ALDH7A1: variants seen among roughly 807,000 people sequenced by gnomAD.
ALDH7A1 encodes aldehyde dehydrogenase 7 family member A1, also known as alpha-aminoadipic semialdehyde dehydrogenase.
Under a neutral mutation model 79.9 loss-of-function variants are expected in ALDH7A1, and 63 were observed. The observed-to-expected ratio is 0.79, with a 90% CI of 0.64 to 0.97. The LOEUF (loss-of-function observed/expected upper bound fraction) is 0.97. Ranked by LOEUF, ALDH7A1 falls within the 50% of genes least tolerant of loss-of-function variation. ALDH7A1 has a pLI of 0.00. For missense variants in ALDH7A1, 627 were observed against 665.2 expected, an observed-to-expected ratio of 0.94 and a Z score of 0.63; for synonymous variants, 240 against 231.2, an observed-to-expected ratio of 1.04 and a Z score of -0.34.
At position 126,578,613 on chromosome 5, in the gene ALDH7A1, T is replaced by C. The variant is rs190945563; in HGVS notation, c.518-1402A>G. Among the ~76,000 whole-genome samples, 1,198 of 134,032 alleles carry C rather than the reference T, an allele frequency of 8.9e-3. 11 individuals are homozygous for C. The highest frequency in any genetic ancestry group is 0.027 in the Middle Eastern group (6 of 222). 87.9% of individuals were successfully genotyped at this position (134,032 alleles called of 152,430 possible). On this transcript the variant is annotated intron_variant, in intron 5 of 17. Transcript: ENST00000409134. Reference sequence around the variant, plus strand: ...GGGATTGCACCACTGCACTCCAGCCTGGACAACAGAGTAAGACCCTGTATC... The same window carrying C: ...GGGATTGCACCACTGCACTCCAGCCCGGACAACAGAGTAAGACCCTGTATC...
At chr5:126,562,401 G>A (rs1210404862) in intron 9 of ALDH7A1, 1 of 151,666 alleles carries the variant, frequency 6.6e-6, no homozygotes, top group Non-Finnish European at 1.5e-5. Context: ...GGCAAAGACA[G>A]GGTCTTGGCA....
At chr5:126,577,015 A>C in intron 6 of ALDH7A1, 64 bp downstream of exon 6, 1 of 1,603,036 alleles carries the variant, frequency 6.2e-7, no homozygotes. Context: ...AGGCTGAGGT[A>C]GTAGTATCTA....
chr5:126,545,617 C>A (rs1187326330), intron 17 of ALDH7A1, among the ~76,000 whole-genome samples: 1 of 148,830 alleles, frequency 6.7e-6, no homozygotes, highest in Non-Finnish European at 1.5e-5. Flanking sequence ...GAAACCCGGT[C>A]TCTACTAAAA....
chr5:126,584,659 C>CA lies in ALDH7A1; in HGVS notation c.313-648dup, dbSNP rs35736560. Among the ~76,000 whole-genome samples, 606 of 61,862 alleles carry CA rather than the reference C, an allele frequency of 9.8e-3. 10 individuals are homozygous for CA. Among genetic ancestry groups the CA allele is most frequent in the Non-Finnish European group, 0.016 (465 of 28,588 alleles). The allele number at this position is 61,862 out of a possible 152,430, so 40.6% of individuals were successfully genotyped here. ...TGGGCAACAAAGTGACACTCCATCT[C>CA]AAAAAAAAAAAAAAAAAAAAGATTG... On this transcript the variant is annotated intron_variant, in intron 3 of 17. Coordinates refer to ENST00000409134, the MANE Select transcript of ALDH7A1 (RefSeq NM_001182.5).
At chr5:126,552,506 C>A (rs1190743650) in intron 13 of ALDH7A1, among the ~76,000 whole-genome samples, 2 of 152,178 alleles carry the variant, frequency 1.3e-5, no homozygotes, top group Non-Finnish European at 2.9e-5. Flanking sequence ...CATCCTCCCA[C>A]CTCAGCCTCC....
At chr5:126,545,064 A>T (rs776928836) in intron 17 of ALDH7A1, 45 bp from the exon 18 acceptor site, 1 of 1,430,164 alleles carries the variant, frequency 7.0e-7, no homozygotes, top group East Asian at 2.3e-5. Flanking sequence ...CATACATAAC[A>T]GAAGATTTTC....
chr5:126,592,961 A>G (rs1751600810), intron 2 of ALDH7A1, among the ~76,000 whole-genome samples: 1 of 152,244 alleles, frequency 6.6e-6, no homozygotes, highest in Non-Finnish European at 1.5e-5. Flanking sequence ...AAAATCTGTC[A>G]GCTTCATCTG....
chr5:126,571,111 C>T (rs542610807), intron 7 of ALDH7A1: 3 of 371,314 alleles, frequency 8.1e-6, no homozygotes, highest in African/African-American at 4.2e-5. Flanking sequence ...GATTTCTCCT[C>T]ACATATTGAA....
intron 7 of ALDH7A1, among the ~76,000 whole-genome samples, chr5:126,572,732 G>T (rs1750818515): frequency 6.6e-6 from 1 of 152,176 alleles, no homozygotes; most frequent in South Asian, 2.1e-4. Context: ...TTTCTGTGGG[G>T]CATTAGGCTT....
intron 8 of ALDH7A1, chr5:126,570,446 A>C (rs1444752599): frequency 3.8e-6 from 1 of 264,738 alleles, no homozygotes; most frequent in African/African-American, 2.3e-5. Flanking sequence ...GAGACCCCAG[A>C]CTACAATTTC....
chr5:126,564,615 G>C (rs1750507739), intron 9 of ALDH7A1: 6 of 1,221,086 alleles, frequency 4.9e-6, no homozygotes, highest in Non-Finnish European at 6.2e-6. Context: ...AGCATCAAGT[G>C]AATATTAATT....
chr5:126,556,121 A>G (rs1750187429), intron 11 of ALDH7A1, 106 bp from the exon 12 acceptor site: 3 of 621,206 alleles, frequency 4.8e-6, no homozygotes, highest in Non-Finnish European at 8.1e-6. Context: ...CTCTAAAAAT[A>G]TAAGAAAATC....
At chr5:126,588,778 C>A (rs1360726075) in intron 3 of ALDH7A1, 2 of 152,142 alleles carry the variant, frequency 1.3e-5, no homozygotes, top group African/African-American at 4.8e-5. Flanking sequence ...CATGGTGGCT[C>A]ATGCCTGTAA....
At chr5:126,592,781 T>C (rs1328367457) in intron 2 of ALDH7A1, 52 bp from the exon 3 acceptor site, 1 of 1,536,794 alleles carries the variant, frequency 6.5e-7, no homozygotes, top group Non-Finnish European at 9.0e-7. Context: ...GAAATGATGA[T>C]GATCTTCTAG....
intron 1 of ALDH7A1, 55 bp from the exon 2 acceptor site, chr5:126,593,459 AGGGAATAGACCAAACG>A: frequency 6.2e-7 from 1 of 1,611,128 alleles, no homozygotes; most frequent in Non-Finnish European, 8.5e-7. Context: ...TTTTGAAGTA[AGGGAATAGACCAAACG>A]GGGAAGAAAA....
intron 3 of ALDH7A1, 113 bp downstream of exon 3, chr5:126,592,551 G>T: frequency 1.9e-6 from 2 of 1,039,992 alleles, no homozygotes; most frequent in Non-Finnish European, 1.5e-6. Flanking sequence ...CCCCCAAGGA[G>T]CTCACATTTT....
intron 4 of ALDH7A1, 107 bp from the exon 5 acceptor site, chr5:126,583,081 G>A (rs1209687237): frequency 2.2e-6 from 3 of 1,348,202 alleles, no homozygotes; most frequent in East Asian, 4.7e-5. Flanking sequence ...GTAATAAACT[G>A]AAGAAAGTCT....
At chr5:126,565,853 C>T (rs1750564749) in intron 9 of ALDH7A1, among the ~76,000 whole-genome samples, 1 of 152,176 alleles carries the variant, frequency 6.6e-6, no homozygotes, top group Non-Finnish European at 1.5e-5. Context: ...CCATCCTTTC[C>T]CCATTGAAAT....
intron 9 of ALDH7A1, chr5:126,564,554 T>A: frequency 1.6e-6 from 2 of 1,248,422 alleles, no homozygotes; most frequent in Non-Finnish European, 2.0e-6. Flanking sequence ...ATCAGGAGCA[T>A]ATGTGACAAC....
Sources: gnomAD v4.1 joint callset for allele counts (sites outside exome capture counted in the v4.1 genomes callset) on GRCh38, gnomAD v4.1.1 for gene constraint, MANE v1.5 for transcripts, NCBI Gene and HGNC (gene_info 2026-07-23, HGNC 2026-07-21) for gene names.